RARB: variants seen among roughly 807,000 people sequenced by gnomAD.
RARB encodes HBV-activated protein.
In RARB, 17 loss-of-function variants were observed where a neutral mutation model predicts 51.9. The ratio of observed to expected loss-of-function variants is 0.33; its 90% CI spans 0.22 to 0.49. RARB has a LOEUF of 0.49. RARB is among the 20% of genes least tolerant of loss of function. RARB has a pLI of 0.99. For missense variants in RARB, 369 were observed against 550.8 expected, an observed-to-expected ratio of 0.67 and a Z score of 3.30; for synonymous variants, 215 against 195.4, an observed-to-expected ratio of 1.10 and a Z score of -0.84.
Position 24,924,538 on chromosome 3 carries a change from C to G in RARB, c.-380+65786C>G, listed in dbSNP as rs530287316. ...TCATTTAATGTTTTCTTTTAATTAA[C>G]TTTAAAGAGATGAGTGTGACTAATA... On this transcript the variant is annotated intron_variant, in intron 2 of 11. Transcript: ENST00000383772. Among the ~76,000 whole-genome samples, 44 of 152,248 alleles carry G rather than the reference C, an allele frequency of 2.9e-4. No individual in the cohort carries two copies. In the Middle Eastern group the frequency reaches 0.014, roughly 47 times the overall value.
At chr3:24,976,181 T>G (rs1201108035) in intron 2 of RARB, among the ~76,000 whole-genome samples, 1 of 152,238 alleles carries the variant, frequency 6.6e-6, no homozygotes, top group African/African-American at 2.4e-5. Context: ...GATGGACATT[T>G]GGGTTGGTTC....
At chr3:25,432,419 T>C (rs987633390) in intron 1 of RARB, among the ~76,000 whole-genome samples, 1 of 152,206 alleles carries the variant, frequency 6.6e-6, no homozygotes, top group Non-Finnish European at 1.5e-5. Context: ...TAGAATTTGA[T>C]TTGCCAGCCA....
rs1398969432 is a variant in RARB at position 25,232,243 on chromosome 3, G to A, written c.178+57668G>A. The stretch of plus-strand genomic sequence containing the variant: ...TACTGTGTTTATTGTTATAGCTTAT[G>A]AGTCTTGAAATCAGATAGGATGTTT... On this transcript the variant is annotated intron_variant, in intron 5 of 11. Transcript: ENST00000383772. 3.9e-5 allele frequency among the ~76,000 whole-genome samples: 6 copies of A among 152,210 alleles called. No homozygotes were observed. In the East Asian group the frequency reaches 1.2e-3, roughly 29 times the overall value.
chr3:25,583,345 A>G (rs1046521903), intron 5 of RARB, among the ~76,000 whole-genome samples: 5 of 152,334 alleles, frequency 3.3e-5, no homozygotes, highest in Non-Finnish European at 5.9e-5. Context: ...AACCAGGCGG[A>G]TGGACAGACA....
chr3:24,988,460 A>G (rs1474607778), intron 2 of RARB, among the ~76,000 whole-genome samples: 3 of 152,244 alleles, frequency 2.0e-5, no homozygotes, highest in African/African-American at 7.2e-5. Context: ...AAACATTAAA[A>G]TTAATCCATG....
chr3:25,031,649 C>G (rs571524879), intron 2 of RARB, among the ~76,000 whole-genome samples: 45 of 152,308 alleles, frequency 3.0e-4, no homozygotes, highest in Admixed American at 5.9e-4. Context: ...TCCCCCCTCT[C>G]TATCTAGCAA....
At chr3:25,292,754 G>A (rs980541683) in intron 5 of RARB, among the ~76,000 whole-genome samples, 1 of 152,124 alleles carries the variant, frequency 6.6e-6, no homozygotes, top group Non-Finnish European at 1.5e-5. Flanking sequence ...GGAAGAAAGA[G>A]CCCTGCGTTG....
At chr3:25,373,900 C>T (rs1387286791) in intron 5 of RARB, among the ~76,000 whole-genome samples, 3 of 152,172 alleles carry the variant, frequency 2.0e-5, no homozygotes, top group Admixed American at 2.0e-4. Flanking sequence ...ATCAGGGTAG[C>T]TCACACGTGA....
chr3:25,409,768 A>C (rs1168003797), intron 5 of RARB, among the ~76,000 whole-genome samples: 1 of 152,124 alleles, frequency 6.6e-6, no homozygotes, highest in Non-Finnish European at 1.5e-5. Context: ...AACTCTCCAC[A>C]TTTCCTTTCC....
At chr3:25,287,798 A>T (rs560127700) in intron 5 of RARB, among the ~76,000 whole-genome samples, 1 of 152,226 alleles carries the variant, frequency 6.6e-6, no homozygotes, top group South Asian at 2.1e-4. Flanking sequence ...CCAAATAGAC[A>T]TCTTGAGAAA....
chr3:24,874,206 A>G (rs560463505), intron 2 of RARB, among the ~76,000 whole-genome samples: 1 of 152,074 alleles, frequency 6.6e-6, no homozygotes, highest in Non-Finnish European at 1.5e-5. Context: ...GAATAGAACA[A>G]TATGGTACTA....
At chr3:25,177,191 T>C (rs1474674529) in intron 5 of RARB, among the ~76,000 whole-genome samples, 2 of 152,252 alleles carry the variant, frequency 1.3e-5, no homozygotes, top group African/African-American at 4.8e-5. Context: ...TGAATATGAC[T>C]CTGTTAGTTG....
At chr3:24,897,698 G>A (rs564751188) in intron 2 of RARB, among the ~76,000 whole-genome samples, 6 of 150,406 alleles carry the variant, frequency 4.0e-5, no homozygotes, top group African/African-American at 1.5e-4. Context: ...AAACCAGAGT[G>A]CCTTCTGTCC....
chr3:25,482,113 T>G (rs1194820720), intron 2 of RARB, among the ~76,000 whole-genome samples: 1 of 152,200 alleles, frequency 6.6e-6, no homozygotes, highest in Non-Finnish European at 1.5e-5. Flanking sequence ...AGCTCCCTTT[T>G]TTTTCCTACA....
chr3:25,213,458 C>A (rs757732164), intron 5 of RARB, among the ~76,000 whole-genome samples: 1 of 151,978 alleles, frequency 6.6e-6, no homozygotes, highest in Non-Finnish European at 1.5e-5. Context: ...CTCATTTATT[C>A]ATTCTATTGC....
intron 5 of RARB, among the ~76,000 whole-genome samples, chr3:25,178,991 C>T (rs77277307): frequency 0.018 from 2,668 of 152,266 alleles, 36 homozygotes; most frequent in South Asian, 0.052. Context: ...GAATCTCTCT[C>T]AAAATGATCT....
At chr3:25,361,942 T>G (rs1705952575) in intron 5 of RARB, among the ~76,000 whole-genome samples, 1 of 152,180 alleles carries the variant, frequency 6.6e-6, no homozygotes, top group Admixed American at 6.5e-5. Flanking sequence ...TGTCTCCCTT[T>G]CAGGAGGCAC....
chr3:25,057,207 A>T (rs1698458725), intron 2 of RARB, among the ~76,000 whole-genome samples: 1 of 152,074 alleles, frequency 6.6e-6, no homozygotes. Context: ...CCCACAAACC[A>T]GCCCGTGTTG....
intron 2 of RARB, among the ~76,000 whole-genome samples, chr3:24,927,700 T>C (rs757976264): frequency 6.6e-6 from 1 of 152,108 alleles, no homozygotes; most frequent in Non-Finnish European, 1.5e-5. Context: ...CGTATTATTA[T>C]ATAGACTCAC....
Sources: allele counts gnomAD v4.1 joint callset (sites outside exome capture counted in the v4.1 genomes callset), GRCh38; gene constraint gnomAD v4.1.1; transcripts MANE v1.5; gene names NCBI Gene and HGNC (gene_info 2026-07-23, HGNC 2026-07-21).